The following UNC79 variants were observed in gnomAD, a reference collection of about 807,000 sequenced individuals.
UNC79 encodes unc-79 subunit of NALCN channel complex.
UNC79 carries 37 observed loss-of-function variants against 283.1 expected under a neutral mutation model. That is an observed-to-expected ratio of 0.13 (90% CI 0.10 to 0.17). UNC79 has a LOEUF of 0.17. Among genes scored for constraint, UNC79 ranks in the 10% least tolerant of loss-of-function variants. UNC79 has a pLI of 1.00. For missense variants in UNC79, 2,272 were observed against 3,211.1 expected (o/e 0.71, Z 7.07); for synonymous variants, 1,107 against 1,200.2 (o/e 0.92, Z 1.61).
At chr14:93,479,227 C>T (rs867491381) in intron 4 of UNC79, among the ~76,000 whole-genome samples, 6 of 143,500 alleles carry the variant, frequency 4.2e-5, no homozygotes, top group Non-Finnish European at 7.6e-5. Flanking sequence ...TTCCTTCCTT[C>T]CTTTCCTTCC....
At chr14:93,464,957 A>G (rs893977331) in intron 1 of UNC79, among the ~76,000 whole-genome samples, 1 of 152,186 alleles carries the variant, frequency 6.6e-6, no homozygotes, top group African/African-American at 2.4e-5. Context: ...GCTGCTCTCA[A>G]GTTGTTGAAA....
At chr14:93,563,070 G>A (rs1198664402) in intron 14 of UNC79, among the ~76,000 whole-genome samples, 1 of 152,198 alleles carries the variant, frequency 6.6e-6, no homozygotes. Flanking sequence ...AAGAGGTTAT[G>A]AAATGATGAC....
At chr14:93,643,801 A>G (rs751141087) in intron 34 of UNC79, 104 bp downstream of exon 37, 307 of 1,478,542 alleles carry the variant, frequency 2.1e-4, no homozygotes, top group Non-Finnish European at 2.5e-4. Flanking sequence ...GCCACCTTGT[A>G]GATACTGGTA....
At chr14:93,452,570 G>T (rs2056678012) in intron 1 of UNC79, among the ~76,000 whole-genome samples, 1 of 152,050 alleles carries the variant, frequency 6.6e-6, no homozygotes, top group African/African-American at 2.4e-5. Context: ...TGTATTTTTA[G>T]TAGAGACAGG....
intron 1 of UNC79, among the ~76,000 whole-genome samples, chr14:93,434,808 T>C (rs1325697378): frequency 6.6e-6 from 1 of 152,240 alleles, no homozygotes; most frequent in African/African-American, 2.4e-5. Context: ...TGGCACATAA[T>C]GAGGACTTAA....
intron 1 of UNC79, among the ~76,000 whole-genome samples, chr14:93,335,578 C>A (rs922808386): frequency 1.3e-5 from 2 of 152,188 alleles, no homozygotes; most frequent in African/African-American, 4.8e-5. Context: ...ACAAATAGGT[C>A]AACCAGAACC....
At chr14:93,420,437 G>A (rs1431768751) in intron 1 of UNC79, among the ~76,000 whole-genome samples, 2 of 151,602 alleles carry the variant, frequency 1.3e-5, no homozygotes, top group Non-Finnish European at 2.9e-5. Context: ...TACTCAATAG[G>A]GGAGTACCCA....
intron 7 of UNC79, among the ~76,000 whole-genome samples, chr14:93,515,555 G>A (rs562046942): frequency 1.2e-4 from 19 of 152,076 alleles, no homozygotes; most frequent in African/African-American, 4.6e-4. Context: ...ACTTAATTTT[G>A]CTTCTGGTGA....
chr14:93,555,438 CTG>C (rs1567105376), intron 14 of UNC79, among the ~76,000 whole-genome samples: 1 of 152,158 alleles, frequency 6.6e-6, no homozygotes, highest in Non-Finnish European at 1.5e-5. Context: ...GAGTCTCTCT[CTG>C]TCACCCAGGC....
chr14:93,552,700 CT>C lies in UNC79; in HGVS notation c.1755+10014del, dbSNP rs569914201. ...CAAGAATAATTATTTGCCATATAAA[CT>C]TTTTTTTTTAATTGGCTTTGCTGGA... On this transcript the variant is annotated intron_variant, in intron 14 of 48. Transcript: ENST00000555664. 8.9e-4 allele frequency among the ~76,000 whole-genome samples: 134 copies of C among 149,848 alleles called. 1 individual carries two copies. In the East Asian group the frequency reaches 0.011, roughly 12 times the overall value.
At chr14:93,441,371 G>GT (rs1159695066) in intron 1 of UNC79, among the ~76,000 whole-genome samples, 2 of 151,898 alleles carry the variant, frequency 1.3e-5, no homozygotes, top group Non-Finnish European at 2.9e-5. Flanking sequence ...ATTTTGCTTT[G>GT]TTAGCCAATC....
chr14:93,366,109 A>C (rs2054325927), intron 1 of UNC79, among the ~76,000 whole-genome samples: 1 of 152,204 alleles, frequency 6.6e-6, no homozygotes, highest in South Asian at 2.1e-4. Flanking sequence ...TGATTTTTTA[A>C]CCAATTAGAA....
At chr14:93,477,721 G>T in exon 4 of UNC79, 2 of 1,610,396 alleles carry the variant, frequency 1.2e-6, no homozygotes, top group Admixed American at 1.7e-5. Flanking sequence ...TTCTACCAAT[G>T]GCTATATGTA....
chr14:93,581,031 T>A (rs2063765946), intron 19 of UNC79, among the ~76,000 whole-genome samples: 1 of 151,406 alleles, frequency 6.6e-6, no homozygotes, highest in African/African-American at 2.4e-5. Context: ...TTTTAAATTG[T>A]TTCTCCATCT....
intron 1 of UNC79, among the ~76,000 whole-genome samples, chr14:93,381,517 C>A (rs2054664646): frequency 1.3e-5 from 2 of 152,210 alleles, no homozygotes; most frequent in Admixed American, 6.5e-5. Flanking sequence ...AAAATAGCAA[C>A]ATTCCCACCA....
At chr14:93,487,843 G>A in intron 5 of UNC79, 88 bp downstream of exon 5, 1 of 1,288,464 alleles carries the variant, frequency 7.8e-7, no homozygotes, top group Non-Finnish European at 1.1e-6. Context: ...TCTCATGTGA[G>A]AACGTCATCA....
At chr14:93,399,761 G>A (rs1278667165) in intron 1 of UNC79, among the ~76,000 whole-genome samples, 1 of 152,130 alleles carries the variant, frequency 6.6e-6, no homozygotes, top group African/African-American at 2.4e-5. Context: ...AGGGTTTATT[G>A]TGAGGGAAGT....
At chr14:93,673,246 G>GT in intron 40 of UNC79, 105 bp from the exon 44 acceptor site, 2 of 963,700 alleles carry the variant, frequency 2.1e-6, no homozygotes, top group Non-Finnish European at 1.5e-6. Context: ...TTTGAATACT[G>GT]TTTTTTATTT....
chr14:93,538,357 G>T, intron 12 of UNC79, 139 bp downstream of exon 12: 1 of 871,054 alleles, frequency 1.1e-6, no homozygotes, highest in Non-Finnish European at 1.7e-6. Context: ...GTGTTGTAAT[G>T]ATGCTATTTT....
Sources: allele counts gnomAD v4.1 joint callset (sites outside exome capture counted in the v4.1 genomes callset), GRCh38; gene constraint gnomAD v4.1.1; transcripts MANE v1.5; gene names NCBI Gene and HGNC (gene_info 2026-07-23, HGNC 2026-07-21).